TNRC6C: variants seen among roughly 807,000 people sequenced by gnomAD.
TNRC6C encodes trinucleotide repeat containing adaptor 6C.
In TNRC6C, 20 loss-of-function variants were observed where a neutral mutation model predicts 153.7. The ratio of observed to expected loss-of-function variants is 0.13; its 90% confidence interval spans 0.09 to 0.19. The LOEUF is 0.19. Ranked by LOEUF, TNRC6C falls within the 10% of genes least tolerant of loss-of-function variation. The pLI is 1.00. For missense variants in TNRC6C, 1,987 were observed against 2,172.0 expected (o/e 0.91, Z 1.69); for synonymous variants, 811 against 841.4 (o/e 0.96, Z 0.63).
chr17:77,966,197 A>C (rs1184059971), intron 1 of TNRC6C, among the ~76,000 whole-genome samples: 1 of 152,192 alleles, frequency 6.6e-6, no homozygotes, highest in Non-Finnish European at 1.5e-5. Flanking sequence ...GCAGAGGCCT[A>C]GCTGTAAATG....
intron 1 of TNRC6C, among the ~76,000 whole-genome samples, chr17:77,980,636 A>G (rs749069410): frequency 6.6e-5 from 10 of 152,134 alleles, no homozygotes; most frequent in Non-Finnish European, 1.0e-4. Context: ...CAGGTTGAAG[A>G]CTCAGTCTCC....
intron 1 of TNRC6C, among the ~76,000 whole-genome samples, chr17:78,027,473 C>T (rs2071964898): frequency 6.6e-6 from 1 of 152,042 alleles, no homozygotes; most frequent in South Asian, 2.1e-4. Context: ...ATATTCAGTT[C>T]CATCATATGG....
intron 2 of TNRC6C, among the ~76,000 whole-genome samples, chr17:78,043,810 A>G (rs944880259): frequency 1.5e-4 from 23 of 152,202 alleles, no homozygotes; most frequent in African/African-American, 5.6e-4. Context: ...AAGTGAGAAC[A>G]TGCAAAGCTT....
upstream of TNRC6C, among the ~76,000 whole-genome samples, chr17:78,002,959 G>A (rs908737743): frequency 5.3e-5 from 8 of 152,184 alleles, no homozygotes; most frequent in Non-Finnish European, 5.9e-5. Flanking sequence ...GTCAGGAAAT[G>A]GGAAGATTCA....
At chr17:78,091,271 A>C in intron 13 of TNRC6C, 169 bp from the exon 16 acceptor site, 1 of 688,992 alleles carries the variant, frequency 1.5e-6, no homozygotes, top group South Asian at 3.9e-5. Context: ...GGTTGCAATG[A>C]GCCAAGATTG....
upstream of TNRC6C, among the ~76,000 whole-genome samples, chr17:77,958,694 G>T (rs904298077): frequency 6.6e-6 from 1 of 151,770 alleles, no homozygotes; most frequent in Non-Finnish European, 1.5e-5. Context: ...GGGGAGGGGG[G>T]TTCTTGTCAG....
At chr17:77,966,119 T>C (rs928448088) in intron 1 of TNRC6C, among the ~76,000 whole-genome samples, 30 of 152,288 alleles carry the variant, frequency 2.0e-4, no homozygotes, top group African/African-American at 6.5e-4. Flanking sequence ...TTGGAAATAT[T>C]TTGTAAAGCG....
intron 1 of TNRC6C, among the ~76,000 whole-genome samples, chr17:77,976,655 A>G (rs941072738): frequency 7.9e-5 from 12 of 152,182 alleles, no homozygotes; most frequent in African/African-American, 2.7e-4. Context: ...GGGGCCGGAT[A>G]CGGTGGCTCA....
intron 13 of TNRC6C, among the ~76,000 whole-genome samples, chr17:78,087,434 A>G (rs1024160524): frequency 2.6e-5 from 4 of 152,098 alleles, no homozygotes; most frequent in Non-Finnish European, 5.9e-5. Flanking sequence ...ATTTGTAATA[A>G]GGGAACAACA....
chr17:78,087,870 C>T (rs2073324899), intron 13 of TNRC6C, among the ~76,000 whole-genome samples: 1 of 152,190 alleles, frequency 6.6e-6, no homozygotes, highest in Admixed American at 6.5e-5. Context: ...AGGAGAGACA[C>T]AGCTCACATA....
chr17:78,050,547 G>A (rs1266933251), exon 3 of TNRC6C: 1 of 1,613,656 alleles, frequency 6.2e-7, no homozygotes, highest in Non-Finnish European at 8.5e-7. Context: ...AGAACGATGG[G>A]TCCATCATGA....
chr17:78,013,610 T>C (rs1222416314), intron 1 of TNRC6C, among the ~76,000 whole-genome samples: 4 of 152,146 alleles, frequency 2.6e-5, no homozygotes, highest in Non-Finnish European at 1.5e-5. Context: ...TGGACATAAA[T>C]CTCAACCACA....
intron 1 of TNRC6C, among the ~76,000 whole-genome samples, chr17:77,973,199 C>T (rs1250552671): frequency 6.6e-6 from 1 of 152,188 alleles, no homozygotes; most frequent in African/African-American, 2.4e-5. Context: ...AGCCACTACG[C>T]CTGGGCAATA....
At chr17:78,042,184 CTG>C (rs1235337182) in intron 2 of TNRC6C, among the ~76,000 whole-genome samples, 1 of 152,174 alleles carries the variant, frequency 6.6e-6, no homozygotes, top group Non-Finnish European at 1.5e-5. Context: ...TATTTATAGA[CTG>C]TAAACCACTT....
At chr17:77,994,407 G>C (rs913772806) in intron 1 of TNRC6C, among the ~76,000 whole-genome samples, 3 of 152,154 alleles carry the variant, frequency 2.0e-5, no homozygotes, top group African/African-American at 7.2e-5. Flanking sequence ...CCCAGGTCTT[G>C]TATGCTCACC....
At chr17:78,092,590 C>G (rs949599587) in intron 14 of TNRC6C, among the ~76,000 whole-genome samples, 1 of 152,116 alleles carries the variant, frequency 6.6e-6, no homozygotes, top group Non-Finnish European at 1.5e-5. Context: ...CTAACTGAAA[C>G]AGTCACTGGC....
chr17:78,061,540 G>A (rs1298582648), intron 3 of TNRC6C, among the ~76,000 whole-genome samples: 1 of 152,174 alleles, frequency 6.6e-6, no homozygotes, highest in African/African-American at 2.4e-5. Flanking sequence ...TACTGGGCCA[G>A]GTGTGGGGGC....
intron 1 of TNRC6C, among the ~76,000 whole-genome samples, chr17:77,981,741 A>AT: frequency 6.6e-6 from 1 of 152,322 alleles, no homozygotes; most frequent in Middle Eastern, 3.4e-3. Context: ...TTAGTAAATA[A>AT]TGTTTTATTG....
chr17:78,056,589 G>A (rs1199569369), intron 3 of TNRC6C, among the ~76,000 whole-genome samples: 3 of 151,380 alleles, frequency 2.0e-5, no homozygotes, highest in Admixed American at 6.6e-5. Context: ...TCAGCCTCCC[G>A]AGTAGCTAGG....
Sources: gnomAD v4.1 joint callset for allele counts (sites outside exome capture counted in the v4.1 genomes callset) on GRCh38, gnomAD v4.1.1 for gene constraint, MANE v1.5 for transcripts, NCBI Gene and HGNC (gene_info 2026-07-23, HGNC 2026-07-21) for gene names.